Variants in MFAP5 observed in about 807,000 individuals in gnomAD.
MFAP5 encodes the protein microfibrillar-associated protein 5.
MFAP5 carries 19 observed loss-of-function variants against 30.1 expected under a neutral mutation model. The observed-to-expected ratio is 0.63, with a 90% CI of 0.44 to 0.93. MFAP5 has a LOEUF of 0.93. MFAP5 is among the 40% of genes least tolerant of loss of function. The probability of loss-of-function intolerance (pLI) is 0.00; values close to 1 mark genes in which losing one functional copy is unlikely to be tolerated. For missense variants in MFAP5, 210 were observed against 221.3 expected, an observed-to-expected ratio of 0.95 and a Z score of 0.32; for synonymous variants, 92 against 72.9, an observed-to-expected ratio of 1.26 and a Z score of -1.33.
intron 5 of MFAP5, among the ~76,000 whole-genome samples, 190 bp from the exon 6 acceptor site, chr12:8,654,671 C>A (rs959165910): frequency 6.6e-6 from 1 of 152,020 alleles, no homozygotes; most frequent in Non-Finnish European, 1.5e-5. Flanking sequence ...CTGGGTGGGG[C>A]GCAGTGGCTC....
At chr12:8,657,362 T>C (rs1942030661) in intron 3 of MFAP5, among the ~76,000 whole-genome samples, 2 of 151,786 alleles carry the variant, frequency 1.3e-5, no homozygotes, top group African/African-American at 2.4e-5. Flanking sequence ...GAGGTGGCAG[T>C]GAGCTGAGAT....
chr12:8,656,313 G>C (rs1277535625), intron 3 of MFAP5, among the ~76,000 whole-genome samples: 1 of 151,802 alleles, frequency 6.6e-6, no homozygotes, highest in African/African-American at 2.4e-5. Flanking sequence ...CTCCCAAAGT[G>C]CTGGGATTAC....
chr12:8,648,651 G>A, intron 9 of MFAP5: 2 of 643,264 alleles, frequency 3.1e-6, no homozygotes, highest in South Asian at 3.4e-5. Flanking sequence ...TGAGATACTT[G>A]AAAGTGCCTA....
intron 3 of MFAP5, among the ~76,000 whole-genome samples, chr12:8,659,279 G>A (rs1158757679): frequency 1.3e-5 from 2 of 150,496 alleles, no homozygotes; most frequent in African/African-American, 4.9e-5. Context: ...TTGTACTACA[G>A]CCTGGGTAAC....
chr12:8,658,574 G>A (rs993439651), intron 3 of MFAP5: 2 of 152,146 alleles, frequency 1.3e-5, no homozygotes, highest in African/African-American at 4.8e-5. Flanking sequence ...TCTCCCGGGT[G>A]TAGCCCAATC....
chr12:8,657,495 A>G (rs1173606626), intron 3 of MFAP5, among the ~76,000 whole-genome samples: 3 of 152,036 alleles, frequency 2.0e-5, no homozygotes, highest in Non-Finnish European at 4.4e-5. Context: ...ATTACCCTTC[A>G]ATGTAAATAG....
At chr12:8,660,218 CCA>C (rs991982361) in intron 3 of MFAP5, among the ~76,000 whole-genome samples, 1 of 146,622 alleles carries the variant, frequency 6.8e-6, no homozygotes, top group Admixed American at 6.9e-5. Context: ...TTAGTCAGTT[CCA>C]CTCTGTTGCC....
chr12:8,660,746 ATTCT>A, intron 3 of MFAP5, 113 bp downstream of exon 3: 1 of 856,934 alleles, frequency 1.2e-6, no homozygotes, highest in Non-Finnish European at 1.8e-6. Context: ...TGTAGGAAAT[ATTCT>A]TTTTTTTTTT....
At chr12:8,659,309 G>GA (rs78077672) in intron 3 of MFAP5, among the ~76,000 whole-genome samples, 206 of 130,298 alleles carry the variant, frequency 1.6e-3, no homozygotes, top group East Asian at 8.6e-3. Flanking sequence ...ACTCTGTCTC[G>GA]AAAAAAAAAA....
rs1360375731 is a variant in MFAP5, at chr12:8,647,470, A to G, written c.*621T>C. 5.3e-5 allele frequency: 8 copies of G among 152,250 alleles called. No homozygotes were observed. Among genetic ancestry groups the G allele is most frequent in the African/African-American group, 1.7e-4 (7 of 41,466 alleles). 9.4% of individuals were successfully genotyped at this position (152,250 alleles called of 1,614,324 possible). On this transcript the variant is annotated 3_prime_UTR_variant, in exon 10 of 10. Transcript: ENST00000359478. ...CCAGCCTCTGAGCTTAGCAGAAGAC[A>G]TTTTGGGTCCTTATATATTGCTAGT...
chr12:8,653,494 T>C lies in MFAP5; in HGVS notation c.217+943A>G, dbSNP rs776941786. On this transcript the variant is annotated intron_variant, in intron 6 of 9. Transcript: ENST00000359478. ...GCATAAACGTCTCTCTGGTTGGTTT[T>C]CGTGTCCACCCTACACCTTTTGATT... Among the ~76,000 whole-genome samples, 4 of 152,320 alleles carry C rather than the reference T, an allele frequency of 2.6e-5. No homozygotes were observed. The East Asian group carries it at 7.7e-4, about 29-fold the overall frequency.
intron 2 of MFAP5, among the ~76,000 whole-genome samples, chr12:8,661,844 G>A (rs1382261413): frequency 2.0e-5 from 3 of 152,058 alleles, no homozygotes; most frequent in East Asian, 3.8e-4. Context: ...TTCTTGGGAG[G>A]CCTTTCCCCT....
rs1033350345 is a variant in MFAP5 at position 8,649,394 on chromosome 12, G to A, written c.409+107C>T. 3 of 942,158 alleles carry A rather than the reference G, an allele frequency of 3.2e-6. No homozygotes were observed. The African/African-American group carries it at 4.8e-5, about 15-fold the overall frequency. 58.4% of individuals were successfully genotyped at this position (942,158 alleles called of 1,614,324 possible). ...GGAGCTGATGGACTCTAAGGGGGTAGCCTGAAGCCCTCCTCTAGTACCAGA... is the reference window on the plus strand; with the variant it reads ...GGAGCTGATGGACTCTAAGGGGGTAACCTGAAGCCCTCCTCTAGTACCAGA... On this transcript the variant is annotated intron_variant, in intron 9 of 9. Transcript: ENST00000359478.
chr12:8,655,381 A>T, intron 5 of MFAP5, 34 bp downstream of exon 5: 1 of 1,539,874 alleles, frequency 6.5e-7, no homozygotes, highest in Non-Finnish European at 8.9e-7. Context: ...AACAAGAACC[A>T]TGCCATTTTT....
At chr12:8,648,368 CCTAGAAAGT>C (rs1941741285) in intron 9 of MFAP5, 165 bp from the exon 10 acceptor site, 1 of 920,736 alleles carries the variant, frequency 1.1e-6, no homozygotes, top group African/African-American at 1.7e-5. Flanking sequence ...TTTGCCACTT[CCTAGAAAGT>C]TTCTTAAATT....
intron 3 of MFAP5, among the ~76,000 whole-genome samples, chr12:8,656,591 T>TATATATATATATATATATACACAC (rs1456030332): frequency 3.1e-5 from 4 of 130,878 alleles, no homozygotes; most frequent in African/African-American, 1.3e-4. Context: ...TATATATATA[T>TATATATATATATATATATACACAC]ACACACACAC....
chr12:8,654,174 C>G (rs1941919156), intron 6 of MFAP5: 1 of 388,030 alleles, frequency 2.6e-6, no homozygotes, highest in Non-Finnish European at 4.6e-6. Context: ...TTCTTCTACC[C>G]TTTATCCTCC....
chr12:8,656,573 A>AATATATATATATATATAT (rs71957081), intron 3 of MFAP5, among the ~76,000 whole-genome samples: 107 of 128,448 alleles, frequency 8.3e-4, no homozygotes, highest in African/African-American at 3.4e-3. Context: ...ATGCCTGGCT[A>AATATATATATATATATAT]ATATATATAT....
At chr12:8,648,923 G>C (rs754165338) in intron 9 of MFAP5, among the ~76,000 whole-genome samples, 3 of 152,152 alleles carry the variant, frequency 2.0e-5, no homozygotes, top group Admixed American at 6.5e-5. Flanking sequence ...CACACATTTT[G>C]GGCCCTCGTA....
Sources: gnomAD v4.1 joint callset for allele counts (sites outside exome capture counted in the v4.1 genomes callset) on GRCh38, gnomAD v4.1.1 for gene constraint, MANE v1.5 for transcripts, NCBI Gene and HGNC (gene_info 2026-07-23, HGNC 2026-07-21) for gene names.